Variants in SNX13 observed in about 807,000 individuals in gnomAD.
SNX13 encodes the protein sorting nexin 13, also known as sorting nexin-13.
SNX13 carries 45 observed loss-of-function variants against 133.6 expected under a neutral mutation model. The ratio of observed to expected loss-of-function variants is 0.34; its 90% CI spans 0.27 to 0.43. SNX13 has a LOEUF of 0.43. Ranked by LOEUF, SNX13 falls within the 20% of genes least tolerant of loss-of-function variation. The pLI is 1.00. For missense variants in SNX13, 1,032 were observed against 1,145.1 expected, an observed-to-expected ratio of 0.90 and a Z score of 1.43; for synonymous variants, 414 against 373.9, an observed-to-expected ratio of 1.11 and a Z score of -1.24.
At chr7:17,850,467 GGTAGTGT>G in intron 10 of SNX13, 32 bp from the exon 11 acceptor site, 2 of 1,317,454 alleles carry the variant, frequency 1.5e-6, no homozygotes, top group Non-Finnish European at 2.1e-6. Flanking sequence ...ACTAGAAAGT[GGTAGTGT>G]TATTTATGAA....
In SNX13 at chr7:17,850,413, T is replaced by A; in HGVS notation, c.999A>T (p.Gln333His). 1 of 1,582,088 alleles carries A rather than the reference T, an allele frequency of 6.3e-7. No individual in the cohort carries two copies. The highest frequency in any genetic ancestry group is 1.2e-5 in the South Asian group (1 of 85,718). The change falls in exon 11 of 26, where the codon CAA (glutamine) becomes CAT (histidine). Residue 333 changes from glutamine to histidine, a missense_variant. Coordinates refer to ENST00000428135, the MANE Select transcript of SNX13 (RefSeq NM_015132.5). The stretch of plus-strand genomic sequence containing the variant: ...TCTTTACGAATAGTAAGCTATTTAT[T>A]TGATTTTTGATAGTGTTGATATCTA... ...AGDDINTIKN[Q>H]INSLLFVKKV...
At chr7:17,913,465 G>A (rs1420833296) in intron 1 of SNX13, among the ~76,000 whole-genome samples, 1 of 152,182 alleles carries the variant, frequency 6.6e-6, no homozygotes. Context: ...CTGAGGGTAA[G>A]CATGTGCAGA....
In SNX13 at chr7:17,940,053, G is replaced by C. The variant is rs371969936; in HGVS notation, c.12+231C>G. On this transcript the variant is annotated intron_variant, in intron 1 of 25. Transcript: ENST00000428135. The stretch of plus-strand genomic sequence containing the variant: ...GGGAGACCAGTGCCAGGGGCGAGTG[G>C]CAAGTGGCAACTGCGAAAGGCGAGG... 9.3e-4 allele frequency among the ~76,000 whole-genome samples: 141 copies of C among 152,322 alleles called. No homozygotes were observed. The South Asian group carries it at 0.028, about 30-fold the overall frequency.
In SNX13 at chr7:17,868,401, AC is replaced by A; in HGVS notation, c.837+5del. On this transcript the variant is annotated splice_donor_5th_base_variant and intron_variant, in intron 9 of 25. Coordinates refer to ENST00000428135, the MANE Select transcript of SNX13 (RefSeq NM_015132.5). The stretch of plus-strand genomic sequence containing the variant: ...AAACAGAGTTGTAATTTTAAAAGGC[AC>A]CTACCATCCATATGACATACTGATT... 1 of 1,585,664 alleles carries A rather than the reference AC, an allele frequency of 6.3e-7. No individual in the cohort carries two copies. Among genetic ancestry groups the A allele is most frequent in the South Asian group, 1.2e-5 (1 of 86,446 alleles).
chr7:17,908,234 A>G (rs1348041896), intron 1 of SNX13, among the ~76,000 whole-genome samples: 2 of 152,184 alleles, frequency 1.3e-5, no homozygotes, highest in African/African-American at 2.4e-5. Flanking sequence ...TTATATCTTA[A>G]GTATCTTTTG....
intron 9 of SNX13, among the ~76,000 whole-genome samples, chr7:17,862,224 T>C (rs1297116402): frequency 6.6e-6 from 1 of 152,202 alleles, no homozygotes; most frequent in African/African-American, 2.4e-5. Context: ...TAACATTCTG[T>C]TCAACTTGCT....
chr7:17,887,038 G>A (rs1456705889), intron 5 of SNX13, among the ~76,000 whole-genome samples: 1 of 150,754 alleles, frequency 6.6e-6, no homozygotes, highest in Non-Finnish European at 1.5e-5. Context: ...GAACATAATA[G>A]CAACAATAAT....
intron 1 of SNX13, among the ~76,000 whole-genome samples, chr7:17,936,925 A>T (rs774974882): frequency 1.3e-5 from 2 of 151,444 alleles, no homozygotes; most frequent in Non-Finnish European, 2.9e-5. Flanking sequence ...TTTTTTGCCA[A>T]GTATAGCAGG....
At chr7:17,801,522 A>C in intron 22 of SNX13, 66 bp downstream of exon 22, 1 of 1,266,640 alleles carries the variant, frequency 7.9e-7, no homozygotes, top group Non-Finnish European at 1.1e-6. Flanking sequence ...ACACTTCATT[A>C]AAAAGTTAAA....
At chr7:17,939,284 G>A (rs1201615784) in intron 1 of SNX13, among the ~76,000 whole-genome samples, 2 of 152,098 alleles carry the variant, frequency 1.3e-5, no homozygotes, top group Non-Finnish European at 2.9e-5. Flanking sequence ...ATTCAGTTCA[G>A]CCCATAAAAA....
At chr7:17,901,146 C>T (rs542662384) in intron 1 of SNX13, among the ~76,000 whole-genome samples, 2 of 152,136 alleles carry the variant, frequency 1.3e-5, no homozygotes, top group Non-Finnish European at 2.9e-5. Context: ...GGCCTCAGGA[C>T]TCTGCCTGGT....
intron 1 of SNX13, among the ~76,000 whole-genome samples, chr7:17,907,050 G>A (rs183598838): frequency 1.7e-4 from 26 of 152,102 alleles, no homozygotes; most frequent in African/African-American, 5.1e-4. Flanking sequence ...TTTTTGTATT[G>A]TGTTTATAAT....
chr7:17,849,844 G>A (rs1790997174), intron 11 of SNX13, among the ~76,000 whole-genome samples: 1 of 152,144 alleles, frequency 6.6e-6, no homozygotes, highest in East Asian at 1.9e-4. Flanking sequence ...AAGTGTCATC[G>A]AACCTCTTGG....
Position 17,803,427 on chromosome 7 carries a change from A to T in SNX13, c.2218T>A (p.Phe740Ile). ...TGAAAATGTCTTCTTACCTTAAAAA[A>T]TGATTGCTTTATGTCTTGACCTAAT... The part of the protein sequence containing the change: ...ERLGQDIKQS[F>I]FKVPPLIPKT... The change falls in exon 21 of 26, where the codon TTT becomes ATT. Residue 740 changes from phenylalanine (F) to isoleucine (I), a missense_variant. Coordinates refer to ENST00000428135, the MANE Select transcript of SNX13 (RefSeq NM_015132.5). 2.5e-6 allele frequency: 4 copies of T among 1,605,634 alleles called. No homozygotes were observed. Among genetic ancestry groups the T allele is most frequent in the Non-Finnish European group, 3.4e-6 (4 of 1,176,402 alleles).
chr7:17,796,739 C>A, intron 25 of SNX13, 88 bp downstream of exon 25: 1 of 916,194 alleles, frequency 1.1e-6, no homozygotes. Flanking sequence ...TTGTTATAAT[C>A]AAAAGGCAGT....
At chr7:17,871,960 G>C (rs1667954430) in intron 8 of SNX13, among the ~76,000 whole-genome samples, 2 of 152,134 alleles carry the variant, frequency 1.3e-5, no homozygotes, top group African/African-American at 4.8e-5. Flanking sequence ...TACTAGGATG[G>C]AGAGAAGACT....
At chr7:17,920,283 A>T (rs1240293960) in intron 1 of SNX13, among the ~76,000 whole-genome samples, 2 of 152,160 alleles carry the variant, frequency 1.3e-5, no homozygotes, top group Non-Finnish European at 2.9e-5. Flanking sequence ...TTCACTTAGC[A>T]ATTTTCTTAT....
chr7:17,904,499 G>T (rs796114217), intron 1 of SNX13, among the ~76,000 whole-genome samples: 15 of 152,018 alleles, frequency 9.9e-5, no homozygotes, highest in African/African-American at 2.9e-4. Flanking sequence ...GAGAGTGGGG[G>T]TTAAGTGGAA....
intron 2 of SNX13, among the ~76,000 whole-genome samples, chr7:17,895,243 GT>G (rs2127997276): frequency 6.6e-6 from 1 of 152,230 alleles, no homozygotes; most frequent in South Asian, 2.1e-4. Context: ...CAGCTGTAAA[GT>G]TTAAGTAATA....
Sources: allele counts gnomAD v4.1 joint callset (sites outside exome capture counted in the v4.1 genomes callset), GRCh38; gene constraint gnomAD v4.1.1; transcripts MANE v1.5; gene names NCBI Gene and HGNC (gene_info 2026-07-23, HGNC 2026-07-21).